Variants in LCOR observed in about 807,000 individuals in gnomAD.
LCOR encodes the protein ligand dependent nuclear receptor corepressor.
In LCOR, 14 loss-of-function variants were observed where a neutral mutation model predicts 64.4. The observed-to-expected ratio is 0.22, with a 90% CI of 0.14 to 0.34. LCOR has a LOEUF of 0.34. LCOR is among the 10% of genes least tolerant of loss of function. The pLI, the probability that LCOR is intolerant of heterozygous loss-of-function variation, is 1.00. For synonymous variants in LCOR, 643 were observed against 642.5 expected (o/e 1.00, Z -0.01); for missense variants, 1,686 against 1,765.3 (o/e 0.96, Z 0.80).
intron 7 of LCOR, chr10:96,959,342 A>G (rs941347850): frequency 1.3e-5 from 2 of 151,862 alleles, no homozygotes; most frequent in African/African-American, 2.4e-5. Context: ...TTTTCCTCAC[A>G]TTTTCCAGTA....
intron 2 of LCOR, among the ~76,000 whole-genome samples, chr10:96,892,444 G>GTTC (rs1846461359): frequency 6.6e-6 from 1 of 152,174 alleles, no homozygotes. Flanking sequence ...AGGCTGGGAA[G>GTTC]TTCAAGATCA....
intron 2 of LCOR, among the ~76,000 whole-genome samples, chr10:96,857,132 T>C (rs1845819581): frequency 6.6e-6 from 1 of 152,038 alleles, no homozygotes; most frequent in South Asian, 2.1e-4. Flanking sequence ...TCTTGCAGAG[T>C]TAATTTTAAT....
At chr10:96,962,951 A>G (rs968534717) in intron 7 of LCOR, 5 of 152,190 alleles carry the variant, frequency 3.3e-5, no homozygotes, top group Admixed American at 3.3e-4. Flanking sequence ...TTCTCACTCA[A>G]TTCAGGTACT....
At chr10:96,869,233 G>C (rs1008622078) in intron 2 of LCOR, among the ~76,000 whole-genome samples, 1 of 151,984 alleles carries the variant, frequency 6.6e-6, no homozygotes, top group Non-Finnish European at 1.5e-5. Context: ...TTGGCGGGGG[G>C]TCAGAGTTGT....
intron 2 of LCOR, among the ~76,000 whole-genome samples, chr10:96,886,250 A>G (rs1846341709): frequency 6.6e-6 from 1 of 152,208 alleles, no homozygotes; most frequent in African/African-American, 2.4e-5. Context: ...TTTAGTAATC[A>G]GTTCATCACC....
At chr10:96,929,044 C>T (rs903708073) in intron 4 of LCOR, among the ~76,000 whole-genome samples, 1 of 152,164 alleles carries the variant, frequency 6.6e-6, no homozygotes, top group Non-Finnish European at 1.5e-5. Flanking sequence ...CTTTGTTGTT[C>T]TGTTTATAGA....
intron 7 of LCOR, chr10:96,962,151 A>G (rs1446140118): frequency 6.6e-6 from 1 of 152,150 alleles, no homozygotes. Flanking sequence ...AAAAAAGACA[A>G]TAACATTTTG....
intron 2 of LCOR, among the ~76,000 whole-genome samples, chr10:96,891,403 T>G (rs1419160146): frequency 6.6e-6 from 1 of 151,262 alleles, no homozygotes; most frequent in Non-Finnish European, 1.5e-5. Flanking sequence ...TCTTTTTTCT[T>G]GGTCTGTCTA....
At chr10:96,934,942 A>G (rs1453198183) in intron 4 of LCOR, among the ~76,000 whole-genome samples, 1 of 152,144 alleles carries the variant, frequency 6.6e-6, no homozygotes, top group Non-Finnish European at 1.5e-5. Flanking sequence ...TATGCCAACA[A>G]CTTGTTCTTT....
intron 2 of LCOR, among the ~76,000 whole-genome samples, chr10:96,878,934 C>T (rs1846214856): frequency 1.3e-5 from 2 of 152,020 alleles, no homozygotes; most frequent in Non-Finnish European, 2.9e-5. Context: ...GTAGCTGGGA[C>T]TACAGGCTCA....
chr10:96,904,948 ATT>A (rs1342847501), intron 2 of LCOR, among the ~76,000 whole-genome samples: 4 of 152,166 alleles, frequency 2.6e-5, no homozygotes, highest in Non-Finnish European at 5.9e-5. Context: ...AATCAATAAT[ATT>A]TGTTAGGTTT....
rs114221789 is a variant in LCOR, at chr10:96,994,694, G to A, written c.*9560G>A. The A allele has an allele frequency of 1.9e-4, 29 of 152,136 alleles. No individual in the cohort carries two copies. The highest frequency in any genetic ancestry group is 6.5e-4 in the African/African-American group (27 of 41,478). The allele number at this position is 152,136 out of a possible 1,614,324, so 9.4% of individuals were successfully genotyped here. On this transcript the variant is annotated 3_prime_UTR_variant, in exon 8 of 8. Coordinates refer to ENST00000421806, the MANE Select transcript of LCOR (RefSeq NM_001346516.2). ...TGGTGGTAGGGGGTGGGGGGAATGG[G>A]GCATTGTAGATTATGTGGGGGTACA...
At chr10:96,855,583 C>T (rs1055296495) in intron 2 of LCOR, among the ~76,000 whole-genome samples, 17 of 151,524 alleles carry the variant, frequency 1.1e-4, no homozygotes, top group South Asian at 8.3e-4. Context: ...TACAGGCGCC[C>T]ACCACCATAC....
intron 4 of LCOR, among the ~76,000 whole-genome samples, chr10:96,920,683 T>C (rs999181122): frequency 4.1e-5 from 6 of 146,418 alleles, no homozygotes; most frequent in Admixed American, 2.7e-4. Context: ...TATATTCATA[T>C]ATGTGTATAT....
At position 96,988,023 on chromosome 10, in the gene LCOR, C is replaced by T. The variant is rs1222914433; in HGVS notation, c.*2889C>T. Reference sequence around the variant, plus strand: ...CAGTCTTGGGGCTGAAGTTGATGACCAAAGGACACTGGTATTCTCTGAGTT... The same window carrying T: ...CAGTCTTGGGGCTGAAGTTGATGACTAAAGGACACTGGTATTCTCTGAGTT... On this transcript the variant is annotated 3_prime_UTR_variant, in exon 8 of 8. Coordinates refer to ENST00000421806, the MANE Select transcript of LCOR (RefSeq NM_001346516.2). 1 of 152,218 alleles carries T rather than the reference C, an allele frequency of 6.6e-6. No homozygotes were observed. Among genetic ancestry groups the T allele is most frequent in the East Asian group, 1.9e-4 (1 of 5,202 alleles). The allele number at this position is 152,218 out of a possible 1,614,324, so 9.4% of individuals were successfully genotyped here. A position where few individuals can be genotyped will look rare whatever the true frequency, so the allele number is the denominator to read the frequency against.
intron 7 of LCOR, chr10:96,957,398 G>C (rs1847802470): frequency 1.0e-6 from 1 of 984,944 alleles, no homozygotes; most frequent in Non-Finnish European, 1.2e-6. Flanking sequence ...TTTATTTTCT[G>C]CGGTTTTTGC....
intron 2 of LCOR, among the ~76,000 whole-genome samples, chr10:96,901,153 C>T (rs1846629817): frequency 6.6e-6 from 1 of 151,814 alleles, no homozygotes; most frequent in Non-Finnish European, 1.5e-5. Flanking sequence ...CACGCCACTG[C>T]ACTCCAGCCT....
intron 2 of LCOR, among the ~76,000 whole-genome samples, chr10:96,876,733 A>C (rs1344224593): frequency 6.6e-6 from 1 of 152,048 alleles, no homozygotes. Context: ...CTTGTTGCCC[A>C]GGCTAGAGTG....
chr10:96,978,295 C>A (rs1848054472), intron 7 of LCOR, among the ~76,000 whole-genome samples: 1 of 152,150 alleles, frequency 6.6e-6, no homozygotes, highest in South Asian at 2.1e-4. Context: ...CTTGCCTGTT[C>A]CAAAGGAAGA....
Sources: gnomAD v4.1 joint callset for allele counts (sites outside exome capture counted in the v4.1 genomes callset) on GRCh38, gnomAD v4.1.1 for gene constraint, MANE v1.5 for transcripts, NCBI Gene and HGNC (gene_info 2026-07-23, HGNC 2026-07-21) for gene names.